Variants in PLS1 observed in about 807,000 individuals in gnomAD.
The protein encoded by PLS1 is plastin-1.
In PLS1, 32 loss-of-function variants were observed where a neutral mutation model predicts 73.7. The ratio of observed to expected loss-of-function variants is 0.43; its 90% CI spans 0.33 to 0.58. PLS1 has a LOEUF of 0.58. Among genes scored for constraint, PLS1 ranks in the 20% least tolerant of loss-of-function variants. PLS1 has a pLI of 0.04. For missense variants in PLS1, 633 were observed against 740.5 expected, an observed-to-expected ratio of 0.85 and a Z score of 1.68; for synonymous variants, 217 against 261.3, an observed-to-expected ratio of 0.83 and a Z score of 1.63.
At chr3:142,671,487 C>T (rs2037603190) in intron 4 of PLS1, among the ~76,000 whole-genome samples, 3 of 152,054 alleles carry the variant, frequency 2.0e-5, no homozygotes, top group Admixed American at 6.6e-5. Context: ...GGTGGCTTTA[C>T]TTTTAGACCT....
chr3:142,709,386 C>G (rs1384128495), intron 14 of PLS1, among the ~76,000 whole-genome samples: 1 of 152,182 alleles, frequency 6.6e-6, no homozygotes, highest in Non-Finnish European at 1.5e-5. Context: ...TTTTTACCCT[C>G]TCTCTCTTAC....
At chr3:142,607,815 G>C in intron 1 of PLS1, among the ~76,000 whole-genome samples, 1 of 151,716 alleles carries the variant, frequency 6.6e-6, no homozygotes, top group East Asian at 1.9e-4. Context: ...TGATGATCTT[G>C]AGAGTTTTGA....
At chr3:142,684,926 C>T (rs2037932121) in intron 8 of PLS1, among the ~76,000 whole-genome samples, 1 of 152,164 alleles carries the variant, frequency 6.6e-6, no homozygotes, top group Non-Finnish European at 1.5e-5. Context: ...GCATTTTTGT[C>T]TAATGACAAC....
chr3:142,638,264 C>T (rs1022407706), intron 1 of PLS1, among the ~76,000 whole-genome samples: 1 of 152,126 alleles, frequency 6.6e-6, no homozygotes, highest in African/African-American at 2.4e-5. Flanking sequence ...AAGTGAGATC[C>T]AGAGAGGTCA....
At chr3:142,693,869 A>G (rs749331748) in intron 10 of PLS1, among the ~76,000 whole-genome samples, 3 of 151,906 alleles carry the variant, frequency 2.0e-5, no homozygotes, top group African/African-American at 7.3e-5. Flanking sequence ...TTCCTTATGT[A>G]TTTTCAGTAA....
At chr3:142,706,165 G>A (rs1435343607) in intron 14 of PLS1, among the ~76,000 whole-genome samples, 1 of 152,090 alleles carries the variant, frequency 6.6e-6, no homozygotes, top group African/African-American at 2.4e-5. Flanking sequence ...ACTTTTATAA[G>A]TAAAGAAAAA....
At chr3:142,638,789 T>G (rs1446637134) in intron 1 of PLS1, among the ~76,000 whole-genome samples, 4 of 152,066 alleles carry the variant, frequency 2.6e-5, no homozygotes, top group African/African-American at 9.7e-5. Context: ...TTGCACAGGC[T>G]AGAGTGTAAT....
chr3:142,662,155 G>C (rs1417042105), intron 1 of PLS1, among the ~76,000 whole-genome samples: 1 of 152,124 alleles, frequency 6.6e-6, no homozygotes, highest in Non-Finnish European at 1.5e-5. Context: ...CAAAGACTTG[G>C]AACCAGCCCA....
intron 1 of PLS1, among the ~76,000 whole-genome samples, chr3:142,607,294 T>TA (rs1577764829): frequency 7.5e-5 from 11 of 145,924 alleles, no homozygotes; most frequent in African/African-American, 1.1e-4. Context: ...ATATATATAT[T>TA]TTTTGAGACG....
intron 1 of PLS1, among the ~76,000 whole-genome samples, chr3:142,641,221 G>GAT (rs1326310794): frequency 1.5e-5 from 2 of 136,226 alleles, no homozygotes; most frequent in South Asian, 2.3e-4. Context: ...ATTATATATA[G>GAT]ATATATATAA....
chr3:142,672,973 T>C (rs2037639443), intron 4 of PLS1, among the ~76,000 whole-genome samples: 4 of 152,246 alleles, frequency 2.6e-5, no homozygotes, highest in Admixed American at 2.6e-4. Context: ...TTTCTATTTC[T>C]ACAAATTTGC....
intron 1 of PLS1, among the ~76,000 whole-genome samples, chr3:142,652,717 A>G (rs1466078761): frequency 6.6e-6 from 1 of 152,236 alleles, no homozygotes; most frequent in Non-Finnish European, 1.5e-5. Context: ...GGTGTTAGCC[A>G]TGGATAATGG....
At chr3:142,623,042 T>C (rs1428933727) in intron 1 of PLS1, among the ~76,000 whole-genome samples, 1 of 152,174 alleles carries the variant, frequency 6.6e-6, no homozygotes, top group African/African-American at 2.4e-5. Context: ...CGCTACAGCC[T>C]TGTACTCCTG....
intron 11 of PLS1, among the ~76,000 whole-genome samples, chr3:142,696,458 G>A (rs1475340728): frequency 6.6e-6 from 1 of 152,022 alleles, no homozygotes; most frequent in Non-Finnish European, 1.5e-5. Flanking sequence ...TGGACATCTA[G>A]TTGACACTGG....
chr3:142,698,865 G>A (rs1386667299), intron 12 of PLS1, among the ~76,000 whole-genome samples: 1 of 152,058 alleles, frequency 6.6e-6, no homozygotes, highest in Non-Finnish European at 1.5e-5. Flanking sequence ...CACAAAGTTG[G>A]GTGGCAAAAT....
Position 142,686,289 on chromosome 3 carries a change from G to A in PLS1, c.894G>A (p.Ser298=), listed in dbSNP as rs373461016. 63 of 1,587,772 alleles carry A rather than the reference G, an allele frequency of 4.0e-5. No homozygotes were observed. Among genetic ancestry groups the A allele is most frequent in the Admixed American group, 5.0e-5 (3 of 59,866 alleles). Residue 298 remains serine, a synonymous_variant, in exon 9 of 16, where the codon TCG becomes TCA. Transcript: ENST00000457734. ...TTTCATATCTTTCCTTGAAGGACTCGAGAGCCTATTTTCATCTGCTTAATC... is the reference window on the plus strand; with the variant it reads ...TTTCATATCTTTCCTTGAAGGACTCAAGAGCCTATTTTCATCTGCTTAATC... The part of the protein sequence containing the change: ...ISNFSQDIKD[S]RAYFHLLNQI...
At chr3:142,605,018 G>T (rs2035994434) in intron 1 of PLS1, among the ~76,000 whole-genome samples, 1 of 152,104 alleles carries the variant, frequency 6.6e-6, no homozygotes, top group Non-Finnish European at 1.5e-5. Context: ...CAATTAAAAT[G>T]AGTCTTAGGG....
intron 1 of PLS1, among the ~76,000 whole-genome samples, chr3:142,603,296 G>A (rs1014437387): frequency 6.6e-6 from 1 of 152,140 alleles, no homozygotes; most frequent in African/African-American, 2.4e-5. Context: ...AATATTGTGG[G>A]CACAGAAAGG....
intron 1 of PLS1, among the ~76,000 whole-genome samples, chr3:142,659,822 G>A (rs1471608921): frequency 2.0e-5 from 3 of 151,926 alleles, no homozygotes; most frequent in Non-Finnish European, 4.4e-5. Context: ...TCAGCCTCCT[G>A]AATAGCTGGG....
Sources: gnomAD v4.1 joint callset for allele counts (sites outside exome capture counted in the v4.1 genomes callset) on GRCh38, gnomAD v4.1.1 for gene constraint, MANE v1.5 for transcripts, NCBI Gene and HGNC (gene_info 2026-07-23, HGNC 2026-07-21) for gene names.